The following WWOX variants were observed in gnomAD, a reference collection of about 807,000 sequenced individuals.
WWOX encodes the protein WW domain-containing oxidoreductase.
WWOX carries 69 observed loss-of-function variants against 46.2 expected under a neutral mutation model. That is an observed-to-expected ratio of 1.49 (90% confidence interval 1.23 to 1.82). WWOX has a LOEUF of 1.82. Among genes scored for constraint, WWOX ranks in the 40% most tolerant of loss-of-function variants. WWOX has a pLI of 0.00. For synonymous variants in WWOX, 359 were observed against 202.6 expected, an observed-to-expected ratio of 1.77 and a Z score of -6.56; for missense variants, 919 against 542.6, an observed-to-expected ratio of 1.69 and a Z score of -6.89.
chr16:78,751,102 G>C (rs2049465329), intron 8 of WWOX, among the ~76,000 whole-genome samples: 1 of 152,114 alleles, frequency 6.6e-6, no homozygotes, highest in Non-Finnish European at 1.5e-5. Context: ...GCAGAGAAAA[G>C]AGAAGAGTGC....
chr16:78,687,885 C>T (rs183774308), intron 8 of WWOX, among the ~76,000 whole-genome samples: 29 of 152,068 alleles, frequency 1.9e-4, no homozygotes, highest in African/African-American at 5.1e-4. Context: ...TAGCTAGAAA[C>T]GCATGTTAAA....
At chr16:78,562,366 G>C (rs930056327) in intron 8 of WWOX, among the ~76,000 whole-genome samples, 2 of 152,140 alleles carry the variant, frequency 1.3e-5, no homozygotes. Context: ...GTTACTATAC[G>C]ATCTAGTGTT....
At chr16:78,429,085 A>T (rs1452867811) in intron 7 of WWOX, among the ~76,000 whole-genome samples, 1 of 152,182 alleles carries the variant, frequency 6.6e-6, no homozygotes, top group Non-Finnish European at 1.5e-5. Context: ...TTCTGTATTG[A>T]GTCCTTACTA....
intron 8 of WWOX, among the ~76,000 whole-genome samples, chr16:78,441,728 G>C (rs2083448728): frequency 6.6e-6 from 1 of 152,002 alleles, no homozygotes; most frequent in African/African-American, 2.4e-5. Context: ...CTACCTCATG[G>C]GCTTGTCTTG....
intron 8 of WWOX, among the ~76,000 whole-genome samples, chr16:78,930,826 T>C (rs1421081005): frequency 6.6e-6 from 1 of 152,060 alleles, no homozygotes; most frequent in Non-Finnish European, 1.5e-5. Flanking sequence ...TGTTCATAGG[T>C]CAGTCGCTAT....
chr16:78,952,838 G>A (rs950462140), intron 8 of WWOX, among the ~76,000 whole-genome samples: 4 of 152,164 alleles, frequency 2.6e-5, no homozygotes, highest in South Asian at 2.1e-4. Flanking sequence ...GAATGAGTAC[G>A]TGAATAAATC....
intron 8 of WWOX, among the ~76,000 whole-genome samples, chr16:78,444,264 T>A (rs2083509210): frequency 6.6e-6 from 1 of 152,158 alleles, no homozygotes. Flanking sequence ...TTTAGATAAT[T>A]GTGTGTCTCT....
chr16:79,181,296 C>T (rs569238996), intron 8 of WWOX, among the ~76,000 whole-genome samples: 2 of 152,332 alleles, frequency 1.3e-5, no homozygotes, highest in Non-Finnish European at 2.9e-5. Context: ...TTGCATACTG[C>T]TCTGTGCTGT....
chr16:78,631,678 G>C (rs1019120412), intron 8 of WWOX, among the ~76,000 whole-genome samples: 1 of 151,642 alleles, frequency 6.6e-6, no homozygotes, highest in African/African-American at 2.4e-5. Context: ...AGGGCTACAC[G>C]TGTGTGCCAC....
At chr16:78,556,782 C>T (rs775190660) in intron 8 of WWOX, among the ~76,000 whole-genome samples, 14 of 152,062 alleles carry the variant, frequency 9.2e-5, no homozygotes, top group Non-Finnish European at 2.1e-4. Context: ...GTGGCATGAT[C>T]TCGGCTCACT....
At chr16:78,359,428 C>G (rs970337454) in intron 5 of WWOX, among the ~76,000 whole-genome samples, 1 of 152,134 alleles carries the variant, frequency 6.6e-6, no homozygotes, top group Non-Finnish European at 1.5e-5. Context: ...TGAGAGCCCC[C>G]AAATTGCTGT....
intron 8 of WWOX, among the ~76,000 whole-genome samples, chr16:79,191,389 G>A (rs970326682): frequency 6.6e-6 from 1 of 152,070 alleles, no homozygotes; most frequent in African/African-American, 2.4e-5. Context: ...AAAGGCCACC[G>A]AGATAGTAAG....
At chr16:78,230,962 C>T (rs1212404633) in intron 5 of WWOX, among the ~76,000 whole-genome samples, 4 of 152,246 alleles carry the variant, frequency 2.6e-5, no homozygotes, top group Non-Finnish European at 5.9e-5. Context: ...ATGGATTTAA[C>T]AGGTATCTTT....
At chr16:78,554,804 C>G (rs1027500771) in intron 8 of WWOX, among the ~76,000 whole-genome samples, 1 of 152,200 alleles carries the variant, frequency 6.6e-6, no homozygotes, top group East Asian at 1.9e-4. Context: ...CAGAAGCCCA[C>G]TGCCCACCCA....
chr16:78,551,142 C>G (rs1273294675), intron 8 of WWOX: 1 of 152,030 alleles, frequency 6.6e-6, no homozygotes, highest in East Asian at 1.9e-4. Flanking sequence ...CCAGTATATT[C>G]CATGAAACAA....
intron 8 of WWOX, among the ~76,000 whole-genome samples, chr16:78,524,871 T>C (rs1364206535): frequency 2.1e-5 from 3 of 146,196 alleles, no homozygotes; most frequent in East Asian, 3.9e-4. Context: ...CTTTCTTTTT[T>C]TTTTTTTTTT....
intron 8 of WWOX, among the ~76,000 whole-genome samples, chr16:78,565,881 C>G (rs935674118): frequency 6.6e-6 from 1 of 151,002 alleles, no homozygotes; most frequent in Non-Finnish European, 1.5e-5. Context: ...GTGGGTAAGA[C>G]CATCACATTT....
intron 5 of WWOX, among the ~76,000 whole-genome samples, chr16:78,382,955 T>C (rs1479038811): frequency 1.3e-5 from 2 of 151,620 alleles, no homozygotes; most frequent in Non-Finnish European, 2.9e-5. Flanking sequence ...GGATAGGCCT[T>C]AGGAAACTTC....
intron 5 of WWOX, among the ~76,000 whole-genome samples, chr16:78,334,001 T>C (rs1415908702): frequency 6.6e-6 from 1 of 152,190 alleles, no homozygotes; most frequent in African/African-American, 2.4e-5. Flanking sequence ...TGAGTTCCTT[T>C]TGTGAAGTCA....
Sources: allele counts gnomAD v4.1 joint callset (sites outside exome capture counted in the v4.1 genomes callset), GRCh38; gene constraint gnomAD v4.1.1; transcripts MANE v1.5; gene names NCBI Gene and HGNC (gene_info 2026-07-23, HGNC 2026-07-21).